The following ITM2B variants were observed in gnomAD, a reference collection of about 807,000 sequenced individuals.
ITM2B encodes the protein ABri/ADan amyloid peptide.
Under a neutral mutation model 27.8 loss-of-function variants are expected in ITM2B, and 11 were observed. The observed-to-expected ratio is 0.40, with a 90% CI of 0.25 to 0.66. The LOEUF is 0.66. ITM2B is among the 30% of genes least tolerant of loss of function. ITM2B has a pLI of 0.43. For missense variants in ITM2B, 296 were observed against 328.9 expected (o/e 0.90, Z 0.77); for synonymous variants, 114 against 114.3 (o/e 1.00, Z 0.02).
At position 48,233,241 on chromosome 13, in the gene ITM2B, C is replaced by G. The variant is rs1951644954; in HGVS notation, c.-120C>G. 5.1e-6 allele frequency: 3 copies of G among 585,166 alleles called. No homozygotes were observed. The South Asian group carries it at 6.8e-5, about 13-fold the overall frequency. 36.2% of individuals were successfully genotyped at this position (585,166 alleles called of 1,614,324 possible). A position where few individuals can be genotyped will look rare whatever the true frequency, so the allele number is the denominator to read the frequency against. ...TCTGCCGCCGCGGAGCTTCCCGAAC[C>G]TCTTCAGCCGCCCGGAGCCGCTCCC... On this transcript the variant is annotated 5_prime_UTR_variant, in exon 1 of 6. Transcript: ENST00000647800.
chr13:48,251,004 T>C (rs1017251445), intron 1 of ITM2B, among the ~76,000 whole-genome samples: 7 of 152,234 alleles, frequency 4.6e-5, no homozygotes, highest in Non-Finnish European at 1.5e-5. Flanking sequence ...GTGAAGTATT[T>C]GTAAGTGAAA....
chr13:48,240,845 A>G (rs1313598161), intron 1 of ITM2B, among the ~76,000 whole-genome samples: 1 of 152,230 alleles, frequency 6.6e-6, no homozygotes, highest in Non-Finnish European at 1.5e-5. Flanking sequence ...TTAAGTCTGT[A>G]TACCTGGGCT....
intron 1 of ITM2B, among the ~76,000 whole-genome samples, chr13:48,248,515 G>A (rs1427824520): frequency 6.6e-6 from 1 of 151,920 alleles, no homozygotes; most frequent in African/African-American, 2.4e-5. Flanking sequence ...TGACAATGTA[G>A]TGTATATTCT....
chr13:48,236,904 G>C (rs1407890425), intron 1 of ITM2B, among the ~76,000 whole-genome samples: 1 of 152,190 alleles, frequency 6.6e-6, no homozygotes, highest in Non-Finnish European at 1.5e-5. Context: ...TTTAAAAGGA[G>C]AGAGAAAAGT....
intron 1 of ITM2B, among the ~76,000 whole-genome samples, chr13:48,242,088 A>G (rs752677243): frequency 1.3e-5 from 2 of 152,180 alleles, no homozygotes; most frequent in Admixed American, 6.5e-5. Context: ...TTTTCTGAAT[A>G]TTTACACACT....
chr13:48,247,362 TG>T (rs1194629640), intron 1 of ITM2B, among the ~76,000 whole-genome samples: 1 of 152,176 alleles, frequency 6.6e-6, no homozygotes, highest in Non-Finnish European at 1.5e-5. Flanking sequence ...GTATATTTTT[TG>T]ATAATATAAT....
rs149326287 is a variant in ITM2B at position 48,263,559 on chromosome 13, C to G, written c.*2335C>G. 6.6e-6 allele frequency: 1 copy of G among 152,254 alleles called. No homozygotes were observed. The highest frequency in any genetic ancestry group is 1.9e-4 in the East Asian group (1 of 5,184). 9.4% of individuals were successfully genotyped at this position (152,254 alleles called of 1,614,324 possible). A position where few individuals can be genotyped will look rare whatever the true frequency, so the allele number is the denominator to read the frequency against. Reference sequence around the variant, plus strand: ...TGGGTTCCAGGGAGACTCAGCTATCCTTCCCTCTTCTTGAGTTCTGTCTTA... The same window carrying G: ...TGGGTTCCAGGGAGACTCAGCTATCGTTCCCTCTTCTTGAGTTCTGTCTTA... On this transcript the variant is annotated 3_prime_UTR_variant, in exon 6 of 6. Coordinates refer to ENST00000647800, the MANE Select transcript of ITM2B (RefSeq NM_021999.5).
In ITM2B at chr13:48,233,441, C is replaced by A. The variant is rs11556899; in HGVS notation, c.81C>A (p.Leu27=). The change falls in exon 1 of 6, where the codon CTC becomes CTA. Residue 27 remains leucine, a synonymous_variant. Coordinates refer to ENST00000647800, the MANE Select transcript of ITM2B (RefSeq NM_021999.5). ...AGCCCAAGAGCGGCGAGGAGGCGCT[C>A]ATCATCCCCCCCGACGCCGTCGCGG... ...KDEPKSGEEA[L]IIPPDAVAVD... 6.5e-7 allele frequency: 1 copy of A among 1,540,628 alleles called. No homozygotes were observed. Among genetic ancestry groups the A allele is most frequent in the South Asian group, 1.2e-5 (1 of 82,398 alleles).
chr13:48,253,226 T>A (rs1951764392), intron 1 of ITM2B, among the ~76,000 whole-genome samples: 1 of 152,228 alleles, frequency 6.6e-6, no homozygotes, highest in Non-Finnish European at 1.5e-5. Flanking sequence ...TATATAATTT[T>A]GTCCTATTTT....
intron 1 of ITM2B, among the ~76,000 whole-genome samples, chr13:48,249,347 AT>A: frequency 6.6e-6 from 1 of 152,134 alleles, no homozygotes; most frequent in East Asian, 1.9e-4. Context: ...TATCTATTTC[AT>A]GGTATGAATA....
Position 48,244,488 on chromosome 13 carries a change from G to T in ITM2B, c.118-9320G>T, listed in dbSNP as rs1192779935. ...CTGATCTTTAGAACTATTTTTTCTA[G>T]TAGTCATCTTGTTTAACATTTAGAA... On this transcript the variant is annotated intron_variant, in intron 1 of 5. Coordinates refer to ENST00000647800, the MANE Select transcript of ITM2B (RefSeq NM_021999.5). 2.6e-5 allele frequency among the ~76,000 whole-genome samples: 4 copies of T among 152,268 alleles called. No homozygotes were observed. In the South Asian group the frequency reaches 8.3e-4, roughly 32 times the overall value.
chr13:48,233,356 G>C lies in ITM2B; in HGVS notation c.-5G>C, dbSNP rs11556906. The C allele has an allele frequency of 2.6e-6, 4 of 1,546,614 alleles. No individual in the cohort carries two copies. The highest frequency in any genetic ancestry group is 3.5e-6 in the Non-Finnish European group (4 of 1,147,324). On this transcript the variant is annotated 5_prime_UTR_variant, in exon 1 of 6. Transcript: ENST00000647800. ...CCGCCCTTCGAGGGCGCCCCAGGCC[G>C]CGCCATGGTGAAGGTGACGTTCAAC...
intron 1 of ITM2B, among the ~76,000 whole-genome samples, chr13:48,250,991 T>TA (rs1248864689): frequency 3.9e-5 from 6 of 152,358 alleles, no homozygotes; most frequent in Admixed American, 1.3e-4. Flanking sequence ...GACCTGTGGA[T>TA]AAGTGAAGTA....
chr13:48,244,977 A>G (rs1195732385), intron 1 of ITM2B, among the ~76,000 whole-genome samples: 1 of 152,222 alleles, frequency 6.6e-6, no homozygotes, highest in Admixed American at 6.5e-5. Context: ...TTGCTATCCC[A>G]GTGCCTTTTA....
rs893273331 is a variant in ITM2B, at chr13:48,267,941, A to G, written c.*6717A>G. On this transcript the variant is annotated 3_prime_UTR_variant, in exon 6 of 6. Transcript: ENST00000647800. ...AGATAGTTTACATGCAACGAAATGC[A>G]TATATCTTAAGTGTTCAACTCAGTG... 1 of 152,198 alleles carries G rather than the reference A, an allele frequency of 6.6e-6. No individual in the cohort carries two copies. Among genetic ancestry groups the G allele is most frequent in the Non-Finnish European group, 1.5e-5 (1 of 68,030 alleles). The allele number at this position is 152,198 out of a possible 1,614,324, so 9.4% of individuals were successfully genotyped here.
At position 48,249,778 on chromosome 13, in the gene ITM2B, A is replaced by G. The variant is rs557247761; in HGVS notation, c.118-4030A>G. ...ATTATTAGCCTTACTGATGTTAAAG[A>G]ATTTCACCCTTTGCTAGTTTGCAAA... is the stretch of plus-strand genomic sequence containing the variant. On this transcript the variant is annotated intron_variant, in intron 1 of 5. Coordinates refer to ENST00000647800, the MANE Select transcript of ITM2B (RefSeq NM_021999.5). 1.8e-4 allele frequency among the ~76,000 whole-genome samples: 27 copies of G among 152,166 alleles called. 1 individual carries two copies. In the South Asian group the frequency reaches 4.8e-3, roughly 27 times the overall value.
rs769773974 is a variant in ITM2B at position 48,233,448 on chromosome 13, C to G, written c.88C>G (p.Pro30Ala). ...GAGCGGCGAGGAGGCGCTCATCATC[C>G]CCCCCGACGCCGTCGCGGTGGACTG... ...PKSGEEALII[P>A]PDAVAVDCKD... Residue 30 changes from proline (P) to alanine (A), a missense_variant, in exon 1 of 6, where the codon CCC becomes GCC. Coordinates refer to ENST00000647800, the MANE Select transcript of ITM2B (RefSeq NM_021999.5). 1 of 1,536,998 alleles carries G rather than the reference C, an allele frequency of 6.5e-7. No individual in the cohort carries two copies.
At chr13:48,243,524 C>A (rs1252151366) in intron 1 of ITM2B, among the ~76,000 whole-genome samples, 1 of 152,058 alleles carries the variant, frequency 6.6e-6, no homozygotes, top group Admixed American at 6.6e-5. Flanking sequence ...AAACCTTTTA[C>A]AACAGTAGAA....
In ITM2B at chr13:48,267,913, TATAG is replaced by T. The variant is rs1355055030; in HGVS notation, c.*6694_*6697del. On this transcript the variant is annotated 3_prime_UTR_variant, in exon 6 of 6. Coordinates refer to ENST00000647800, the MANE Select transcript of ITM2B (RefSeq NM_021999.5). ...TTTGCTCATATTTTGTTGTGAGTTT[TATAG>T]ATAGTTTACATGCAACGAAATGCAT... 6.6e-6 allele frequency: 1 copy of T among 152,220 alleles called. No homozygotes were observed. The highest frequency in any genetic ancestry group is 1.5e-5 in the Non-Finnish European group (1 of 68,040). 9.4% of individuals were successfully genotyped at this position (152,220 alleles called of 1,614,324 possible). A position where few individuals can be genotyped will look rare whatever the true frequency, so the allele number is the denominator to read the frequency against.
Sources: allele counts gnomAD v4.1 joint callset (sites outside exome capture counted in the v4.1 genomes callset), GRCh38; gene constraint gnomAD v4.1.1; transcripts MANE v1.5; gene names NCBI Gene and HGNC (gene_info 2026-07-23, HGNC 2026-07-21).